Variants in VCP observed in about 807,000 individuals in gnomAD.
The protein encoded by VCP is valosin containing protein, also known as transitional endoplasmic reticulum ATPase.
A neutral mutation model predicts 85.7 loss-of-function variants in VCP; 6 were observed. The observed-to-expected ratio is 0.07, with a 90% CI of 0.04 to 0.14. VCP has a LOEUF of 0.14. Among genes scored for constraint, VCP ranks in the 10% least tolerant of loss-of-function variants. The pLI is 1.00. For synonymous variants in VCP, 384 were observed against 367.1 expected, an observed-to-expected ratio of 1.05 and a Z score of -0.53; for missense variants, 353 against 1,043.4, an observed-to-expected ratio of 0.34 and a Z score of 9.12.
At chr9:35,063,129 C>T in intron 6 of VCP, 49 bp from the exon 7 acceptor site, 1 of 1,583,114 alleles carries the variant, frequency 6.3e-7, no homozygotes, top group Non-Finnish European at 8.7e-7. Context: ...CTCCCAAACC[C>T]TAAAATGGCT....
intron 1 of VCP, among the ~76,000 whole-genome samples, chr9:35,071,290 T>A (rs1587133937): frequency 9.4e-6 from 1 of 105,998 alleles, no homozygotes; most frequent in East Asian, 3.1e-4. Context: ...TTGGGCTGGC[T>A]GTGTTTTTTT....
intron 5 of VCP, among the ~76,000 whole-genome samples, chr9:35,064,698 G>C (rs748510332): frequency 6.6e-6 from 1 of 152,166 alleles, no homozygotes; most frequent in Non-Finnish European, 1.5e-5. Flanking sequence ...GAGGCCTGAA[G>C]CCACCATCAG....
chr9:35,064,112 T>G (rs1387721132), intron 6 of VCP, 42 bp downstream of exon 6: 3 of 1,613,580 alleles, frequency 1.9e-6, no homozygotes, highest in African/African-American at 1.3e-5. Flanking sequence ...GATTAGACAT[T>G]GGCACCACTT....
intron 1 of VCP, 196 bp downstream of exon 1, chr9:35,072,141 G>C: frequency 7.2e-7 from 1 of 1,392,196 alleles, no homozygotes; most frequent in African/African-American, 1.5e-5. Context: ...CCCCGCCTAG[G>C]GGGCGCGCGG....
chr9:35,068,445 A>C (rs1457613427), intron 1 of VCP, 83 bp from the exon 2 acceptor site: 1 of 1,234,118 alleles, frequency 8.1e-7, no homozygotes, highest in East Asian at 2.3e-5. Flanking sequence ...GGAAAGAAAC[A>C]GTGAATAGAT....
Position 35,059,295 on chromosome 9 carries a change from A to G in VCP, c.2005-76T>C. 3.1e-6 allele frequency: 5 copies of G among 1,595,098 alleles called. No homozygotes were observed. The highest frequency in any genetic ancestry group is 4.3e-6 in the Non-Finnish European group (5 of 1,170,006). On this transcript the variant is annotated intron_variant, in intron 14 of 16. Coordinates refer to ENST00000358901, the MANE Select transcript of VCP (RefSeq NM_007126.5). The surrounding 1 kb of genome is among the most constrained non-coding windows in gnomAD (Gnocchi z 4.9). ...ACGCAGATCTTTGGGCTACCCGAGC[A>G]CTCCCAACTACAGTTTGCCCCTTCT...
chr9:35,069,284 A>G (rs1203400397), intron 1 of VCP, among the ~76,000 whole-genome samples: 1 of 152,194 alleles, frequency 6.6e-6, no homozygotes, highest in African/African-American at 2.4e-5. Flanking sequence ...ATGCTGAGAC[A>G]TGGGGCAAAT....
rs146927852 is a variant in VCP at position 35,056,627 on chromosome 9, G to A, written c.*490C>T. 35 of 185,834 alleles carry A rather than the reference G, an allele frequency of 1.9e-4. No homozygotes were observed. The highest frequency in any genetic ancestry group is 6.3e-4 in the African/African-American group (27 of 42,722). 11.5% of individuals were successfully genotyped at this position (185,834 alleles called of 1,614,324 possible). A position where few individuals can be genotyped will look rare whatever the true frequency, so the allele number is the denominator to read the frequency against. ...TCATTTTTTGGTTTAGAAACTGCTT[G>A]TGATTAGTTTTCCAACATTAACTCA... is the stretch of plus-strand genomic sequence containing the variant. On this transcript the variant is annotated 3_prime_UTR_variant, in exon 17 of 17. Coordinates refer to ENST00000358901, the MANE Select transcript of VCP (RefSeq NM_007126.5).
At chr9:35,065,204 ACT>A (rs1021164558) in intron 5 of VCP, 45 bp downstream of exon 5, 1 of 1,613,282 alleles carries the variant, frequency 6.2e-7, no homozygotes, top group African/African-American at 1.3e-5. Flanking sequence ...ATGATGCCAC[ACT>A]GAGTAATCAT....
At chr9:35,057,628 T>C (rs1828636951) in intron 15 of VCP, 98 bp from the exon 16 acceptor site, 1 of 1,513,040 alleles carries the variant, frequency 6.6e-7, no homozygotes, top group Non-Finnish European at 9.1e-7. Context: ...CTCCTTGCCC[T>C]TCCAATCCAA....
intron 1 of VCP, among the ~76,000 whole-genome samples, chr9:35,069,249 T>A (rs764572391): frequency 8.5e-5 from 13 of 152,174 alleles, no homozygotes; most frequent in Non-Finnish European, 1.8e-4. Flanking sequence ...TCCATAAAGT[T>A]GGCTCAAAAA....
rs1180641732 is a variant in VCP, at chr9:35,063,097, A to G, written c.709-17T>C. 2 of 1,613,264 alleles carry G rather than the reference A, an allele frequency of 1.2e-6. No individual in the cohort carries two copies. Among genetic ancestry groups the G allele is most frequent in the Non-Finnish European group, 1.7e-6 (2 of 1,179,446 alleles). On this transcript the variant is annotated splice_polypyrimidine_tract_variant and intron_variant, in intron 6 of 16. Coordinates refer to ENST00000358901, the MANE Select transcript of VCP (RefSeq NM_007126.5). ...TCTAGGAGGCTGTGGACCAATGCAG[A>G]GTGTGATTAGGTTCCCACCTTCTCC...
Position 35,059,363 on chromosome 9 carries a change from T to C in VCP, c.2004+130A>G, listed in dbSNP as rs1828675953. 2.6e-6 allele frequency: 4 copies of C among 1,525,712 alleles called. No homozygotes were observed. Among genetic ancestry groups the C allele is most frequent in the Admixed American group, 3.9e-5 (2 of 51,408 alleles). The allele number at this position is 1,525,712 out of a possible 1,614,324, so 94.5% of individuals were successfully genotyped here. On this transcript the variant is annotated intron_variant, in intron 14 of 16. Transcript: ENST00000358901. The surrounding 1 kb of genome is among the most constrained non-coding windows in gnomAD (Gnocchi z 4.9). ...TTCCTGATTCTAGATTATCTTGATA[T>C]CCTCAAAAATTCTACCTTCCCTTTA... is the stretch of plus-strand genomic sequence containing the variant.
At chr9:35,070,499 T>C (rs1828919121) in intron 1 of VCP, among the ~76,000 whole-genome samples, 2 of 152,140 alleles carry the variant, frequency 1.3e-5, no homozygotes, top group South Asian at 4.1e-4. Context: ...AGTGGCGCGA[T>C]CTCCCTCACT....
rs1359620830 is a variant in VCP, at chr9:35,061,163, T to G, written c.1211A>C (p.His404Pro). The G allele has an allele frequency of 2.5e-6, 4 of 1,613,426 alleles. No homozygotes were observed. Reference protein sequence around the residue: ...VDLEQVANETHGHVGADLAAL... With the variant: ...VDLEQVANETPGHVGADLAAL... The stretch of plus-strand genomic sequence containing the variant: ...TGCTAAGTCAGCACCCACATGCCCG[T>G]GAGTCTCATTGGCTACCTGCAGAGA... The change falls in exon 11 of 17, where the codon CAC (histidine) becomes CCC (proline). Residue 404 changes from histidine (H) to proline (P), a missense_variant. Transcript: ENST00000358901.
chr9:35,064,557 C>A (rs144675858), intron 5 of VCP, among the ~76,000 whole-genome samples: 217 of 152,226 alleles, frequency 1.4e-3, no homozygotes, highest in African/African-American at 4.3e-3. Flanking sequence ...CTAAAGGGAT[C>A]CGGCCTCAAA....
Position 35,059,268 on chromosome 9 carries a change from A to G in VCP, c.2005-49T>C, listed in dbSNP as rs375140071. The G allele has an allele frequency of 1.6e-4, 252 of 1,611,594 alleles. No individual in the cohort carries two copies. Among genetic ancestry groups the G allele is most frequent in the Non-Finnish European group, 2.0e-5 (24 of 1,178,960 alleles). On this transcript the variant is annotated intron_variant, in intron 14 of 16. Coordinates refer to ENST00000358901, the MANE Select transcript of VCP (RefSeq NM_007126.5). This position sits in a 1 kb window ranked among gnomAD's most constrained non-coding sequence, Gnocchi z 4.9. Reference sequence around the variant, plus strand: ...TTAGCATTTAGCCTCTCCTCTCGAGATACGCAGATCTTTGGGCTACCCGAG... The same window carrying G: ...TTAGCATTTAGCCTCTCCTCTCGAGGTACGCAGATCTTTGGGCTACCCGAG...
intron 15 of VCP, among the ~76,000 whole-genome samples, chr9:35,058,222 T>C (rs1587118316): frequency 1.3e-5 from 2 of 152,306 alleles, no homozygotes; most frequent in Middle Eastern, 6.8e-3. Context: ...GTTAAGCTTT[T>C]ATGGGAGAGA....
In VCP at chr9:35,057,056, C is replaced by T; in HGVS notation, c.*61G>A. 2 of 1,574,996 alleles carry T rather than the reference C, an allele frequency of 1.3e-6. No homozygotes were observed. The highest frequency in any genetic ancestry group is 8.7e-7 in the Non-Finnish European group (1 of 1,147,070). On this transcript the variant is annotated 3_prime_UTR_variant, in exon 17 of 17. Transcript: ENST00000358901. The stretch of plus-strand genomic sequence containing the variant: ...CCCTGGTCCCTCTCCTGGGCAAGCG[C>T]CCCCACCCCCAGGGAACAAGGTCCA...
Sources: gnomAD v4.1 joint callset for allele counts (sites outside exome capture counted in the v4.1 genomes callset) on GRCh38, gnomAD v4.1.1 for gene constraint, Gnocchi (gnomAD v3.1) non-coding constraint, MANE v1.5 for transcripts, NCBI Gene and HGNC (gene_info 2026-07-23, HGNC 2026-07-21) for gene names.